The following N4BP2L2 variants were observed in gnomAD, a reference collection of about 807,000 sequenced individuals.
N4BP2L2 encodes the protein NEDD4 binding protein 2 like 2.
In N4BP2L2, 50 loss-of-function variants were observed where a neutral mutation model predicts 56.2. The ratio of observed to expected loss-of-function variants is 0.89; its 90% CI spans 0.71 to 1.13. The LOEUF (loss-of-function observed/expected upper bound fraction) is 1.13. N4BP2L2 is among the 50% of genes most tolerant of loss of function. The probability of loss-of-function intolerance (pLI) is 0.00; values close to 1 mark genes in which losing one functional copy is unlikely to be tolerated. For missense variants in N4BP2L2, 689 were observed against 693.8 expected (o/e 0.99, Z 0.08); for synonymous variants, 203 against 223.6 (o/e 0.91, Z 0.82).
chr13:32,496,471 TAATAAG>T (rs543275687), intron 6 of N4BP2L2, among the ~76,000 whole-genome samples: 9 of 152,216 alleles, frequency 5.9e-5, no homozygotes, highest in Non-Finnish European at 1.3e-4. Context: ...AACATTGTTA[TAATAAG>T]AATGACAGCT....
chr13:32,463,663 C>A (rs78876437), intron 6 of N4BP2L2, among the ~76,000 whole-genome samples: 556 of 103,652 alleles, frequency 5.4e-3, no homozygotes, highest in East Asian at 7.6e-3. Flanking sequence ...GACTTGGTCT[C>A]AAAAAAAAAA....
At chr13:32,503,256 A>G (rs2090351588) in intron 6 of N4BP2L2, among the ~76,000 whole-genome samples, 1 of 151,794 alleles carries the variant, frequency 6.6e-6, no homozygotes, top group Non-Finnish European at 1.5e-5. Context: ...AATTAAATTT[A>G]AAGTATAATA....
Position 32,498,416 on chromosome 13 carries a change from G to T in N4BP2L2, c.365+19441C>A, listed in dbSNP as rs142999842. Among the ~76,000 whole-genome samples the T allele has an allele frequency of 2.6e-3, 401 of 152,182 alleles. 1 individual carries two copies. The highest frequency in any genetic ancestry group is 0.01 in the Middle Eastern group (3 of 294). On this transcript the variant is annotated intron_variant, in intron 6 of 9. Coordinates refer to the N4BP2L2 transcript ENST00000357505. ...GGCTGGAGTGCAGTGGTGTGATCTT[G>T]GCTCACTGCAATCTCCGTGTCCTGG...
At chr13:32,528,765 G>C (rs1314859338) in intron 2 of N4BP2L2, among the ~76,000 whole-genome samples, 1 of 152,134 alleles carries the variant, frequency 6.6e-6, no homozygotes, top group Non-Finnish European at 1.5e-5. Flanking sequence ...GGCCTGGAAT[G>C]ATTCAAGCTT....
At chr13:32,519,859 G>A (rs1299881268) in intron 5 of N4BP2L2, among the ~76,000 whole-genome samples, 2 of 151,992 alleles carry the variant, frequency 1.3e-5, no homozygotes, top group Non-Finnish European at 2.9e-5. Flanking sequence ...TTTATATTAA[G>A]AAAATAATAA....
chr13:32,480,783 G>T, intron 6 of N4BP2L2: 1 of 395,078 alleles, frequency 2.5e-6, no homozygotes, highest in Non-Finnish European at 4.3e-6. Context: ...CTCCAAGACT[G>T]TATAGTTAAT....
At chr13:32,438,707 G>A (rs1286450601) in exon 8 of N4BP2L2, 1 of 1,610,580 alleles carries the variant, frequency 6.2e-7, no homozygotes, top group Admixed American at 1.7e-5. Flanking sequence ...CCAGTCAAGG[G>A]GAACCACATA....
At chr13:32,523,960 G>A (rs1184418078) in intron 3 of N4BP2L2, 1 of 152,064 alleles carries the variant, frequency 6.6e-6, no homozygotes, top group Non-Finnish European at 1.5e-5. Context: ...TACACTATGG[G>A]GAAAAGAAGC....
At chr13:32,454,997 G>A (rs1410014750) in intron 6 of N4BP2L2, among the ~76,000 whole-genome samples, 1 of 152,172 alleles carries the variant, frequency 6.6e-6, no homozygotes, top group Non-Finnish European at 1.5e-5. Context: ...CTCGACCCTT[G>A]TAAGCCCTGA....
intron 6 of N4BP2L2, among the ~76,000 whole-genome samples, chr13:32,459,904 T>C (rs879339227): frequency 6.6e-6 from 1 of 152,140 alleles, no homozygotes; most frequent in African/African-American, 2.4e-5. Flanking sequence ...GCAAAAATCC[T>C]CAGCAGAATA....
intron 6 of N4BP2L2, among the ~76,000 whole-genome samples, chr13:32,474,742 T>C (rs1195583862): frequency 6.6e-6 from 1 of 152,170 alleles, no homozygotes; most frequent in Non-Finnish European, 1.5e-5. Context: ...GACCATGTGA[T>C]AAAAGAGCTA....
At chr13:32,480,315 AG>A (rs1039056107) in intron 6 of N4BP2L2, among the ~76,000 whole-genome samples, 1 of 152,228 alleles carries the variant, frequency 6.6e-6, no homozygotes, top group Non-Finnish European at 1.5e-5. Flanking sequence ...TTATTTTCAA[AG>A]AAACAAAAAC....
At chr13:32,500,518 A>G (rs368250982) in intron 6 of N4BP2L2, among the ~76,000 whole-genome samples, 7 of 148,770 alleles carry the variant, frequency 4.7e-5, no homozygotes, top group African/African-American at 1.7e-4. Flanking sequence ...CAGGAGTTCA[A>G]GACTAGCCTG....
At chr13:32,454,998 T>A (rs2078722193) in intron 6 of N4BP2L2, among the ~76,000 whole-genome samples, 1 of 152,172 alleles carries the variant, frequency 6.6e-6, no homozygotes, top group African/African-American at 2.4e-5. Flanking sequence ...TCGACCCTTG[T>A]AAGCCCTGAG....
intron 3 of N4BP2L2, 98 bp from the exon 4 acceptor site, chr13:32,522,368 CTT>C (rs2051222276): frequency 1.4e-6 from 1 of 712,976 alleles, no homozygotes; most frequent in African/African-American, 1.9e-5. Context: ...CGTCTCTGTA[CTT>C]AAAACCAAAA....
chr13:32,453,346 TA>T (rs756323954), intron 6 of N4BP2L2, among the ~76,000 whole-genome samples: 24 of 151,752 alleles, frequency 1.6e-4, no homozygotes, highest in Non-Finnish European at 2.8e-4. Context: ...CAGAAGTGAC[TA>T]AACAGGAAAG....
chr13:32,537,867 G>A (rs895810945), intron 1 of N4BP2L2, among the ~76,000 whole-genome samples: 3 of 152,078 alleles, frequency 2.0e-5, no homozygotes, highest in African/African-American at 7.2e-5. Flanking sequence ...TTAGGAGTTC[G>A]AGACCAGCCT....
At chr13:32,524,607 C>CA (rs2052103594) in intron 3 of N4BP2L2, 1 of 152,156 alleles carries the variant, frequency 6.6e-6, no homozygotes, top group Non-Finnish European at 1.5e-5. Context: ...ATGAAGCAGA[C>CA]AGATTTTCAT....
At chr13:32,463,887 T>G (rs750006958) in intron 6 of N4BP2L2, among the ~76,000 whole-genome samples, 90 of 119,592 alleles carry the variant, frequency 7.5e-4, no homozygotes, top group Non-Finnish European at 1.1e-3. Flanking sequence ...GAGAGTTCAC[T>G]ACTAGTAGAA....
Sources: gnomAD v4.1 joint callset for allele counts (sites outside exome capture counted in the v4.1 genomes callset) on GRCh38, gnomAD v4.1.1 for gene constraint, MANE v1.5 for transcripts, NCBI Gene and HGNC (gene_info 2026-07-23, HGNC 2026-07-21) for gene names.